The following DNAH10 variants were observed in gnomAD, a reference collection of about 807,000 sequenced individuals.
The protein encoded by DNAH10 is dynein axonemal heavy chain 10, also known as axonemal beta dynein heavy chain 10.
Under a neutral mutation model 506.6 loss-of-function variants are expected in DNAH10, and 348 were observed. The observed-to-expected ratio is 0.69, with a 90% CI of 0.63 to 0.75. The LOEUF (loss-of-function observed/expected upper bound fraction) is 0.75. DNAH10 is among the 30% of genes least tolerant of loss of function. DNAH10 has a pLI of 0.00. For synonymous variants in DNAH10, 2,059 were observed against 2,198.6 expected (o/e 0.94, Z 1.78); for missense variants, 5,179 against 5,787.1 (o/e 0.89, Z 3.41).
chr12:123,844,191 C>T (rs1210851383), intron 30 of DNAH10, among the ~76,000 whole-genome samples: 2 of 152,134 alleles, frequency 1.3e-5, no homozygotes, highest in African/African-American at 4.8e-5. Flanking sequence ...CGTCAGATCT[C>T]ATGAGAACTC....
intron 39 of DNAH10, among the ~76,000 whole-genome samples, chr12:123,863,797 G>A (rs1475276591): frequency 6.6e-6 from 1 of 152,208 alleles, no homozygotes; most frequent in Non-Finnish European, 1.5e-5. Flanking sequence ...ACATCTTTTG[G>A]TGGGGGGTGG....
At chr12:123,830,799 G>C in intron 26 of DNAH10, 100 bp downstream of exon 26, 4 of 1,055,838 alleles carry the variant, frequency 3.8e-6, no homozygotes, top group Non-Finnish European at 5.2e-6. Context: ...AAAAAAATTA[G>C]CTGAGCGTGG....
chr12:123,775,205 C>T (rs896911223), intron 5 of DNAH10, among the ~76,000 whole-genome samples: 3 of 152,162 alleles, frequency 2.0e-5, no homozygotes, highest in Admixed American at 1.3e-4. Context: ...AGCCTCAACT[C>T]TCAAGTGATC....
intron 28 of DNAH10, among the ~76,000 whole-genome samples, chr12:123,838,216 C>T (rs1215202869): frequency 2.6e-5 from 4 of 152,076 alleles, no homozygotes; most frequent in Non-Finnish European, 5.9e-5. Flanking sequence ...GGCCTTCTTA[C>T]GGGATAACGA....
At chr12:123,861,503 G>A (rs972934923) in intron 39 of DNAH10, among the ~76,000 whole-genome samples, 2 of 152,198 alleles carry the variant, frequency 1.3e-5, no homozygotes, top group Admixed American at 1.3e-4. Flanking sequence ...AAACACAGCC[G>A]CCATCAAGCT....
At chr12:123,855,633 C>CAAA (rs34517744) in intron 36 of DNAH10, among the ~76,000 whole-genome samples, 18 of 102,100 alleles carry the variant, frequency 1.8e-4, no homozygotes, top group African/African-American at 2.8e-4. Context: ...GACCCTGTCT[C>CAAA]AAAAAAAAAA....
intron 1 of DNAH10, among the ~76,000 whole-genome samples, chr12:123,765,392 G>A (rs1030988233): frequency 6.6e-6 from 1 of 152,068 alleles, no homozygotes; most frequent in African/African-American, 2.4e-5. Context: ...AAAAAGCAAC[G>A]CTTCTCCATC....
chr12:123,909,259 A>G lies in DNAH10; in HGVS notation c.9816-2A>G. On this transcript the variant is annotated splice_acceptor_variant, in intron 57 of 78. Transcript: ENST00000673944. LOFTEE classifies it high-confidence loss of function. The surrounding 1 kb of genome is among the most constrained non-coding windows in gnomAD (Gnocchi z 5.4). ...GACCCACGTGCCTTGGTTTCTTGCC[A>G]GGTCGTTTGCTAAGCCCCCGAAGCA... is the stretch of plus-strand genomic sequence containing the variant. 6.2e-7 allele frequency: 1 copy of G among 1,612,490 alleles called. No individual in the cohort carries two copies. The highest frequency in any genetic ancestry group is 1.1e-5 in the South Asian group (1 of 90,580).
Position 123,857,219 on chromosome 12 carries a change from A to G in DNAH10, c.6602A>G (p.Glu2201Gly). The G allele has an allele frequency of 6.3e-7, 1 of 1,591,488 alleles. No individual in the cohort carries two copies. Among genetic ancestry groups the G allele is most frequent in the Non-Finnish European group, 8.6e-7 (1 of 1,168,050 alleles). ...GATGCGGTAGAGCAGGTCCTGGAGG[A>G]GAACGGCTACGCGGTCCTACCCATC... ...FNDAVEQVLE[E>G]NGYAVLPIQV... Residue 2201 changes from glutamate to glycine, a missense_variant, in exon 37 of 79, where the codon GAG becomes GGG. By Grantham distance (98) the Glu-to-Gly change is moderately conservative (BLOSUM62 -2). Transcript: ENST00000673944.
At chr12:123,857,685 G>A (rs1196450472) in intron 37 of DNAH10, among the ~76,000 whole-genome samples, 1 of 152,208 alleles carries the variant, frequency 6.6e-6, no homozygotes, top group Non-Finnish European at 1.5e-5. Flanking sequence ...CCAAGATCGT[G>A]CCACTGCACT....
Position 123,817,252 on chromosome 12 carries a change from G to T in DNAH10, c.3781-1698G>T, listed in dbSNP as rs1959169000. Among the ~76,000 whole-genome samples, 5 of 150,742 alleles carry T rather than the reference G, an allele frequency of 3.3e-5. No homozygotes were observed. In the South Asian group the frequency reaches 1.0e-3, roughly 31 times the overall value. ...GAGATTTGTAGTACATTCAAAATCT[G>T]CAGGCTGATGTCTTTACCTAGTTTT... On this transcript the variant is annotated intron_variant, in intron 21 of 78. Coordinates refer to ENST00000673944, the MANE Select transcript of DNAH10 (RefSeq NM_001372106.1).
At chr12:123,881,899 G>A (rs1952527715) in intron 51 of DNAH10, 86 bp downstream of exon 51, 1 of 1,213,524 alleles carries the variant, frequency 8.2e-7, no homozygotes, top group East Asian at 3.0e-5. Context: ...ACAATCCACA[G>A]CAGATCATAG....
chr12:123,894,258 T>C (rs138544398), intron 53 of DNAH10, among the ~76,000 whole-genome samples: 95 of 151,686 alleles, frequency 6.3e-4, no homozygotes, highest in African/African-American at 2.0e-3. Flanking sequence ...GCTGCCTGGC[T>C]GATTTTTTTT....
At position 123,928,724 on chromosome 12, in the gene DNAH10, C is replaced by A. The variant is rs1294488203; in HGVS notation, c.12306+137C>A. On this transcript the variant is annotated intron_variant, in intron 70 of 78. Coordinates refer to ENST00000673944, the MANE Select transcript of DNAH10 (RefSeq NM_001372106.1). The surrounding 1 kb of genome is among the most constrained non-coding windows in gnomAD (Gnocchi z 4.9). ...GCAGGTGAAACCTTGCGGTTGAAAC[C>A]CTTCTCAATCCCACCTCTCTCTTTA... is the stretch of plus-strand genomic sequence containing the variant. 3 of 969,614 alleles carry A rather than the reference C, an allele frequency of 3.1e-6. No homozygotes were observed. The highest frequency in any genetic ancestry group is 2.7e-5 in the Admixed American group (1 of 36,622). 60.1% of individuals were successfully genotyped at this position (969,614 alleles called of 1,614,324 possible).
Position 123,926,800 on chromosome 12 carries a change from A to G in DNAH10, c.12085A>G (p.Met4029Val), listed in dbSNP as rs1954965380. The stretch of plus-strand genomic sequence containing the variant: ...AGGAAATCGCCTCAAATTCCTTGCA[A>G]TGGGTCAAGGTCAAGAAAAGGTAAT... ...FGGNRLKFLA[M>V]GQGQEKVALQ... The change falls in exon 69 of 79, where the codon ATG becomes GTG. Residue 4029 changes from methionine to valine, a missense_variant. By Grantham distance (21) the Met-to-Val change is conservative (BLOSUM62 1). Coordinates refer to ENST00000673944, the MANE Select transcript of DNAH10 (RefSeq NM_001372106.1). The surrounding 1 kb of genome is among the most constrained non-coding windows in gnomAD (Gnocchi z 4.1). 3 of 1,613,934 alleles carry G rather than the reference A, an allele frequency of 1.9e-6. No individual in the cohort carries two copies. Among genetic ancestry groups the G allele is most frequent in the African/African-American group, 1.3e-5 (1 of 75,024 alleles).
intron 11 of DNAH10, among the ~76,000 whole-genome samples, chr12:123,791,750 A>G (rs890714554): frequency 2.6e-5 from 4 of 152,078 alleles, no homozygotes; most frequent in African/African-American, 9.6e-5. Context: ...TAAAATTTTT[A>G]AGTAGAGATG....
intron 29 of DNAH10, among the ~76,000 whole-genome samples, chr12:123,840,401 T>G (rs923109064): frequency 1.2e-4 from 16 of 135,894 alleles, no homozygotes; most frequent in Admixed American, 5.2e-4. Flanking sequence ...CCAGTTTTTT[T>G]TTTTTTTTTT....
intron 52 of DNAH10, among the ~76,000 whole-genome samples, chr12:123,888,653 T>G (rs1216665776): frequency 6.6e-6 from 1 of 151,520 alleles, no homozygotes; most frequent in Non-Finnish European, 1.5e-5. Flanking sequence ...TGCAAGAGAG[T>G]CGGTGTCTGT....
At chr12:123,834,333 G>A (rs1052972881) in intron 27 of DNAH10, among the ~76,000 whole-genome samples, 7 of 151,960 alleles carry the variant, frequency 4.6e-5, no homozygotes, top group Non-Finnish European at 8.8e-5. Flanking sequence ...TCAGCCTCCC[G>A]AGTGGCTGGG....
Sources: gnomAD v4.1 joint callset for allele counts (sites outside exome capture counted in the v4.1 genomes callset) on GRCh38, gnomAD v4.1.1 for gene constraint, Gnocchi (gnomAD v3.1) non-coding constraint, MANE v1.5 for transcripts, NCBI Gene and HGNC (gene_info 2026-07-23, HGNC 2026-07-21) for gene names.